The following KCNQ3 variants were observed in gnomAD, a reference collection of about 807,000 sequenced individuals.
The protein encoded by KCNQ3 is potassium voltage-gated channel subfamily Q member 3, also known as potassium voltage-gated channel subfamily KQT member 3.
A neutral mutation model predicts 92.5 loss-of-function variants in KCNQ3; 30 were observed. That is an observed-to-expected ratio of 0.32 (90% CI 0.24 to 0.44). The LOEUF (loss-of-function observed/expected upper bound fraction) is 0.44. Among genes scored for constraint, KCNQ3 ranks in the 20% least tolerant of loss-of-function variants. The pLI, the probability that KCNQ3 is intolerant of heterozygous loss-of-function variation, is 1.00. For missense variants in KCNQ3, 913 were observed against 1,140.3 expected (o/e 0.80, Z 2.87); for synonymous variants, 450 against 468.8 (o/e 0.96, Z 0.52).
intron 1 of KCNQ3, among the ~76,000 whole-genome samples, chr8:132,465,971 C>T (rs1229808331): frequency 2.0e-5 from 3 of 152,054 alleles, no homozygotes; most frequent in South Asian, 2.1e-4. Flanking sequence ...GGAAAGAACT[C>T]GCCTGTTTTA....
intron 1 of KCNQ3, among the ~76,000 whole-genome samples, chr8:132,251,488 C>T (rs1238307553): frequency 6.6e-6 from 1 of 152,182 alleles, no homozygotes; most frequent in Admixed American, 6.5e-5. Context: ...TACGGTTTTA[C>T]TGAGCAATGG....
At chr8:132,361,378 G>A (rs1819166756) in intron 1 of KCNQ3, among the ~76,000 whole-genome samples, 1 of 152,164 alleles carries the variant, frequency 6.6e-6, no homozygotes, top group Non-Finnish European at 1.5e-5. Flanking sequence ...TAGCTCCAAG[G>A]CAGAGATCTT....
intron 9 of KCNQ3, among the ~76,000 whole-genome samples, chr8:132,161,001 T>C (rs1361005287): frequency 6.6e-6 from 1 of 151,964 alleles, no homozygotes; most frequent in Non-Finnish European, 1.5e-5. Flanking sequence ...TCAAATAAGA[T>C]GACATATGTA....
chr8:132,217,141 G>A (rs1814056814), intron 1 of KCNQ3, among the ~76,000 whole-genome samples: 1 of 152,062 alleles, frequency 6.6e-6, no homozygotes, highest in Non-Finnish European at 1.5e-5. Context: ...GTTAAGTGAG[G>A]TCAGATTGGC....
chr8:132,272,958 C>T (rs1198567028), intron 1 of KCNQ3, among the ~76,000 whole-genome samples: 1 of 152,200 alleles, frequency 6.6e-6, no homozygotes, highest in East Asian at 1.9e-4. Context: ...TCTGAAGTCT[C>T]ATCTGAGGCA....
intron 1 of KCNQ3, among the ~76,000 whole-genome samples, chr8:132,283,078 CT>C (rs1816577341): frequency 7.1e-6 from 1 of 141,620 alleles, no homozygotes; most frequent in Non-Finnish European, 1.5e-5. Context: ...ATGAGGATCT[CT>C]CTCTCTCTCT....
At chr8:132,181,347 A>T (rs959396022) in intron 3 of KCNQ3, among the ~76,000 whole-genome samples, 1 of 152,222 alleles carries the variant, frequency 6.6e-6, no homozygotes, top group East Asian at 1.9e-4. Flanking sequence ...GAAAAACTCC[A>T]TTAAATGGGT....
intron 1 of KCNQ3, among the ~76,000 whole-genome samples, chr8:132,329,719 T>A (rs1036462760): frequency 1.3e-5 from 2 of 152,164 alleles, no homozygotes; most frequent in Non-Finnish European, 2.9e-5. Context: ...GATCTGCTCT[T>A]GTTATCTCTC....
intron 1 of KCNQ3, among the ~76,000 whole-genome samples, chr8:132,298,665 T>C (rs1817121828): frequency 6.6e-6 from 1 of 152,182 alleles, no homozygotes; most frequent in African/African-American, 2.4e-5. Flanking sequence ...CCCAGCACTT[T>C]GGGAGGCCAA....
At chr8:132,278,136 A>C (rs2130518939) in intron 1 of KCNQ3, 1 of 985,374 alleles carries the variant, frequency 1.0e-6, no homozygotes, top group East Asian at 1.1e-4. Context: ...CTAACTAGAG[A>C]ATCCCCATTT....
chr8:132,240,043 C>A lies in KCNQ3; in HGVS notation c.387-53862G>T, dbSNP rs57203913. Reference sequence around the variant, plus strand: ...TGCTCTAGGTCTAAAGGAAACTTTGCAGCTTGCGTCTAATGCATCATTTCC... The same window carrying A: ...TGCTCTAGGTCTAAAGGAAACTTTGAAGCTTGCGTCTAATGCATCATTTCC... On this transcript the variant is annotated intron_variant, in intron 1 of 14. Transcript: ENST00000388996. Among the ~76,000 whole-genome samples, 259 of 152,306 alleles carry A rather than the reference C, an allele frequency of 1.7e-3. 5 individuals are homozygous for A. In the East Asian group the frequency reaches 0.044, roughly 26 times the overall value.
intron 1 of KCNQ3, among the ~76,000 whole-genome samples, chr8:132,413,739 A>G (rs1185721553): frequency 2.0e-5 from 3 of 152,220 alleles, no homozygotes; most frequent in Non-Finnish European, 4.4e-5. Flanking sequence ...AGCTTTTGTC[A>G]CATATGGCAC....
At chr8:132,469,417 C>T (rs1009647681) in intron 1 of KCNQ3, among the ~76,000 whole-genome samples, 2 of 152,174 alleles carry the variant, frequency 1.3e-5, no homozygotes, top group Non-Finnish European at 2.9e-5. Flanking sequence ...GCAGGTATTG[C>T]GATGCCCATT....
chr8:132,136,165 G>A (rs556765727), intron 12 of KCNQ3, among the ~76,000 whole-genome samples: 2 of 148,262 alleles, frequency 1.3e-5, no homozygotes, highest in South Asian at 4.3e-4. Flanking sequence ...AAAGGCCATG[G>A]AGAATTACAC....
At chr8:132,255,041 T>G (rs1037076980) in intron 1 of KCNQ3, among the ~76,000 whole-genome samples, 4 of 152,162 alleles carry the variant, frequency 2.6e-5, no homozygotes, top group Non-Finnish European at 4.4e-5. Flanking sequence ...CTTTTTAAAT[T>G]GGCTGAATTG....
intron 1 of KCNQ3, among the ~76,000 whole-genome samples, chr8:132,426,321 C>A (rs1397171609): frequency 6.6e-6 from 1 of 152,252 alleles, no homozygotes; most frequent in African/African-American, 2.4e-5. Context: ...ATGACACCGG[C>A]CATGGTTCCT....
chr8:132,461,361 C>A (rs149337759), intron 1 of KCNQ3, among the ~76,000 whole-genome samples: 2 of 152,026 alleles, frequency 1.3e-5, no homozygotes, highest in African/African-American at 2.4e-5. Flanking sequence ...GTCAGGAGTT[C>A]GAGACCGGCC....
intron 4 of KCNQ3, among the ~76,000 whole-genome samples, chr8:132,178,319 G>T (rs1409168299): frequency 6.6e-6 from 1 of 152,340 alleles, no homozygotes; most frequent in East Asian, 1.9e-4. Context: ...GCAGCCAGAA[G>T]TAGCACAGAC....
intron 1 of KCNQ3, among the ~76,000 whole-genome samples, chr8:132,357,007 T>TAAC (rs111426424): frequency 0.42 from 62,585 of 150,314 alleles, 14,012 homozygotes; most frequent in African/African-American, 0.59. Context: ...ACTATTTTAT[T>TAAC]AACAACAACA....
Sources: gnomAD v4.1 joint callset for allele counts (sites outside exome capture counted in the v4.1 genomes callset) on GRCh38, gnomAD v4.1.1 for gene constraint, MANE v1.5 for transcripts, NCBI Gene and HGNC (gene_info 2026-07-23, HGNC 2026-07-21) for gene names.